CDH8: variants seen among roughly 807,000 people sequenced by gnomAD.
CDH8 encodes cadherin 8, also known as cadherin-8.
Under a neutral mutation model 68.1 loss-of-function variants are expected in CDH8, and 17 were observed. The ratio of observed to expected loss-of-function variants is 0.25; its 90% CI spans 0.17 to 0.37. The LOEUF (loss-of-function observed/expected upper bound fraction) is 0.37, where lower values mean the gene tolerates loss of function less well. Among genes scored for constraint, CDH8 ranks in the 10% least tolerant of loss-of-function variants. The probability of loss-of-function intolerance (pLI) is 1.00; values close to 1 mark genes in which losing one functional copy is unlikely to be tolerated. For missense variants in CDH8, 763 were observed against 999.3 expected, an observed-to-expected ratio of 0.76 and a Z score of 3.19; for synonymous variants, 372 against 365.1, an observed-to-expected ratio of 1.02 and a Z score of -0.21.
intron 10 of CDH8, among the ~76,000 whole-genome samples, chr16:61,679,776 T>C (rs975384428): frequency 6.6e-6 from 1 of 152,004 alleles, no homozygotes; most frequent in African/African-American, 2.4e-5. Flanking sequence ...ATGATGGCTC[T>C]AGTTTGTTCC....
chr16:61,787,944 G>GT, intron 8 of CDH8, among the ~76,000 whole-genome samples: 1 of 120,958 alleles, frequency 8.3e-6, no homozygotes, highest in African/African-American at 3.8e-5. Flanking sequence ...ACTGTGGTGG[G>GT]GGGGGCGGGG....
chr16:61,988,919 C>A (rs552227142), intron 2 of CDH8, among the ~76,000 whole-genome samples: 11 of 152,014 alleles, frequency 7.2e-5, no homozygotes, highest in Non-Finnish European at 1.6e-4. Context: ...GAGATCACTG[C>A]ATCAATATAA....
chr16:62,014,467 G>T (rs1205607425), intron 2 of CDH8, among the ~76,000 whole-genome samples: 1 of 152,278 alleles, frequency 6.6e-6, no homozygotes, highest in African/African-American at 2.4e-5. Flanking sequence ...GGAACTGACA[G>T]TGAATTGTTC....
chr16:61,727,323 G>T, intron 8 of CDH8, 108 bp from the exon 9 acceptor site: 1 of 1,148,210 alleles, frequency 8.7e-7, no homozygotes, highest in Non-Finnish European at 1.2e-6. Flanking sequence ...CCTTAATTAG[G>T]ATGTTTTCAA....
At chr16:61,863,729 A>G (rs1380832689) in intron 3 of CDH8, among the ~76,000 whole-genome samples, 1 of 152,174 alleles carries the variant, frequency 6.6e-6, no homozygotes, top group African/African-American at 2.4e-5. Flanking sequence ...AACCTTTGCA[A>G]TAACTAAAAT....
At chr16:61,785,265 G>A (rs1180952724) in intron 8 of CDH8, among the ~76,000 whole-genome samples, 30 of 83,486 alleles carry the variant, frequency 3.6e-4, no homozygotes, top group African/African-American at 7.1e-4. Context: ...TATCACCACC[G>A]ATCCCACAGA....
intron 4 of CDH8, among the ~76,000 whole-genome samples, chr16:61,838,837 T>C (rs1260352914): frequency 1.3e-5 from 2 of 152,148 alleles, no homozygotes; most frequent in Non-Finnish European, 2.9e-5. Context: ...TTGAGTAACT[T>C]TGAATAAGTC....
intron 10 of CDH8, among the ~76,000 whole-genome samples, chr16:61,701,467 T>C (rs1161086653): frequency 6.6e-6 from 1 of 152,248 alleles, no homozygotes; most frequent in Non-Finnish European, 1.5e-5. Context: ...CTTTTTATTT[T>C]AAAAGTTTAA....
chr16:61,892,728 A>C (rs550805110), intron 3 of CDH8, among the ~76,000 whole-genome samples: 1 of 152,262 alleles, frequency 6.6e-6, no homozygotes, highest in East Asian at 1.9e-4. Flanking sequence ...CCACATAACA[A>C]CAGGAGGTAG....
At chr16:62,033,535 T>A (rs948123294) in intron 1 of CDH8, among the ~76,000 whole-genome samples, 1 of 152,210 alleles carries the variant, frequency 6.6e-6, no homozygotes, top group Admixed American at 6.5e-5. Flanking sequence ...TTTAAGAGAC[T>A]GTAAATGATA....
chr16:61,679,059 G>A (rs1261569644), intron 10 of CDH8, among the ~76,000 whole-genome samples: 1 of 152,054 alleles, frequency 6.6e-6, no homozygotes, highest in African/African-American at 2.4e-5. Context: ...TTAGAATTGT[G>A]TGGTTATCTT....
intron 10 of CDH8, 152 bp from the exon 11 acceptor site, chr16:61,655,873 CTTTTTT>C: frequency 3.8e-6 from 2 of 532,840 alleles, no homozygotes; most frequent in Non-Finnish European, 3.3e-6. Context: ...CGTCTCCGCA[CTTTTTT>C]TTTTTTTTTT....
Position 61,998,824 on chromosome 16 carries a change from T to A in CDH8, c.252+22328A>T, listed in dbSNP as rs142037425. Among the ~76,000 whole-genome samples the A allele has an allele frequency of 1.0e-3, 158 of 152,322 alleles. 1 individual carries two copies. The East Asian group carries it at 0.028, about 27-fold the overall frequency. ...AAAACTGAGTTGCTGATTCCAAAGA[T>A]CATTTTCTCTGTAAGACTAGATATT... is the stretch of plus-strand genomic sequence containing the variant. On this transcript the variant is annotated intron_variant, in intron 2 of 11. Transcript: ENST00000577390.
chr16:61,768,367 T>TCTCTCTCC (rs1567461178), intron 8 of CDH8, among the ~76,000 whole-genome samples: 18 of 80,634 alleles, frequency 2.2e-4, no homozygotes, highest in African/African-American at 4.3e-4. Context: ...TCTCTCTCTC[T>TCTCTCTCC]CCCTTTCTCT....
At chr16:61,872,181 T>C (rs1263287544) in intron 3 of CDH8, among the ~76,000 whole-genome samples, 2 of 152,178 alleles carry the variant, frequency 1.3e-5, no homozygotes, top group African/African-American at 4.8e-5. Context: ...TCTAAAAGCA[T>C]TATGTTATCT....
chr16:61,969,749 A>G (rs2150576034), intron 2 of CDH8, among the ~76,000 whole-genome samples: 1 of 152,292 alleles, frequency 6.6e-6, no homozygotes, highest in Non-Finnish European at 1.5e-5. Context: ...TAGTGGCATG[A>G]AAATAAATCC....
intron 7 of CDH8, among the ~76,000 whole-genome samples, chr16:61,800,843 A>G (rs1961607663): frequency 6.6e-6 from 1 of 152,204 alleles, no homozygotes; most frequent in South Asian, 2.1e-4. Flanking sequence ...GCAAAGCTGT[A>G]TAATACATCA....
intron 7 of CDH8, among the ~76,000 whole-genome samples, chr16:61,793,184 C>T (rs1027260166): frequency 4.6e-5 from 7 of 151,956 alleles, no homozygotes; most frequent in Non-Finnish European, 8.8e-5. Flanking sequence ...TACCAGAATC[C>T]GATCACACTG....
At chr16:61,668,355 T>C (rs1454646433) in intron 10 of CDH8, among the ~76,000 whole-genome samples, 1 of 151,940 alleles carries the variant, frequency 6.6e-6, no homozygotes, top group East Asian at 1.9e-4. Flanking sequence ...TTAATTAGTA[T>C]GCTTGCTCTT....
Sources: gnomAD v4.1 joint callset for allele counts (sites outside exome capture counted in the v4.1 genomes callset) on GRCh38, gnomAD v4.1.1 for gene constraint, MANE v1.5 for transcripts, NCBI Gene and HGNC (gene_info 2026-07-23, HGNC 2026-07-21) for gene names.